Variants in VWA8 observed in about 807,000 individuals in gnomAD.
VWA8 encodes von Willebrand factor A domain containing 8, also known as von Willebrand factor A domain-containing protein 8.
Under a neutral mutation model 241.5 loss-of-function variants are expected in VWA8, and 221 were observed. The observed-to-expected ratio is 0.91, with a 90% CI of 0.82 to 1.02. The LOEUF (loss-of-function observed/expected upper bound fraction) is 1.02. Ranked by LOEUF, VWA8 falls within the 50% of genes least tolerant of loss-of-function variation. The pLI is 0.00. For missense variants in VWA8, 2,322 were observed against 2,328.7 expected, an observed-to-expected ratio of 1.00 and a Z score of 0.06; for synonymous variants, 852 against 827.1, an observed-to-expected ratio of 1.03 and a Z score of -0.52.
chr13:41,811,282 A>G lies in VWA8; in HGVS notation c.2006T>C (p.Leu669Pro), dbSNP rs376324990. ...AAGATTTTCATTAGGATACTGTGAC[A>G]GCCGACGAGAAATTCGCAACAGTTG... is the stretch of plus-strand genomic sequence containing the variant. ...TRQLLRISRR[L>P]SQYPNENLHS... The change falls in exon 17 of 45, where the codon CTG becomes CCG. Residue 669 changes from leucine (L) to proline (P), a missense_variant. Physicochemically the swap from Leu to Pro is moderately conservative, Grantham distance 98 (BLOSUM62 -3). Transcript: ENST00000379310. 2.5e-6 allele frequency: 4 copies of G among 1,611,300 alleles called. No individual in the cohort carries two copies. The highest frequency in any genetic ancestry group is 3.4e-6 in the Non-Finnish European group (4 of 1,177,942).
intron 2 of VWA8, among the ~76,000 whole-genome samples, chr13:41,915,567 C>T (rs180760141): frequency 6.6e-6 from 1 of 152,194 alleles, no homozygotes. Context: ...TATTTTTTCT[C>T]AAGGCCTCTG....
chr13:41,864,819 T>A (rs1873211432), intron 12 of VWA8, among the ~76,000 whole-genome samples: 1 of 152,040 alleles, frequency 6.6e-6, no homozygotes, highest in Admixed American at 6.6e-5. Flanking sequence ...AAACCCTGTC[T>A]CTACTAAAAT....
intron 1 of VWA8, among the ~76,000 whole-genome samples, chr13:41,956,318 T>C (rs1218106901): frequency 6.6e-6 from 1 of 152,210 alleles, no homozygotes; most frequent in Non-Finnish European, 1.5e-5. Flanking sequence ...GGTTGAGAAC[T>C]ACTGGGTTAG....
In VWA8 at chr13:41,732,132, G is replaced by C. The variant is rs746924515; in HGVS notation, c.2450C>G (p.Thr817Arg). The change falls in exon 22 of 45, where the codon ACG (threonine) becomes AGG (arginine). Residue 817 changes from threonine (T) to arginine (R), a missense_variant. Physicochemically the swap from Thr to Arg is moderately conservative, Grantham distance 71 (BLOSUM62 -1). Transcript: ENST00000379310. Reference sequence around the variant, plus strand: ...TCCGTCTTTAACCGAAGGCTGAAGCGTAAGAGTTTGTACTGTGGTATCCCT... The same window carrying C: ...TCCGTCTTTAACCGAAGGCTGAAGCCTAAGAGTTTGTACTGTGGTATCCCT... Reference protein sequence around the residue: ...LHRDTTVQTLTLQPSVKDGLI... With the variant: ...LHRDTTVQTLRLQPSVKDGLI... 5 of 1,612,858 alleles carry C rather than the reference G, an allele frequency of 3.1e-6. No individual in the cohort carries two copies. Among genetic ancestry groups the C allele is most frequent in the East Asian group, 4.5e-5 (2 of 44,816 alleles).
At chr13:41,569,179 A>G (rs548260657) in intron 44 of VWA8, among the ~76,000 whole-genome samples, 4 of 152,360 alleles carry the variant, frequency 2.6e-5, no homozygotes, top group African/African-American at 7.2e-5. Flanking sequence ...ATTCTGCAAC[A>G]TATCTTTTGC....
At chr13:41,775,573 T>C (rs998795916) in intron 20 of VWA8, among the ~76,000 whole-genome samples, 7 of 152,168 alleles carry the variant, frequency 4.6e-5, no homozygotes, top group Non-Finnish European at 8.8e-5. Flanking sequence ...CTAGACAGGC[T>C]TGAAAATCAG....
In VWA8 at chr13:41,647,253, C is replaced by A. The variant is rs376811168; in HGVS notation, c.4611+23693G>T. On this transcript the variant is annotated intron_variant, in intron 37 of 44. Coordinates refer to ENST00000379310, the MANE Select transcript of VWA8 (RefSeq NM_015058.2). ...TTAGGATATAAATGAGGATCAGAAG[C>A]TTTTGGGAGACATTTTCTGGATGTG... 7.9e-5 allele frequency among the ~76,000 whole-genome samples: 12 copies of A among 152,118 alleles called. 1 individual carries two copies. Among genetic ancestry groups the A allele is most frequent in the Admixed American group, 7.2e-4 (11 of 15,270 alleles).
intron 32 of VWA8, among the ~76,000 whole-genome samples, chr13:41,690,683 T>C (rs558334053): frequency 2.0e-5 from 3 of 152,148 alleles, no homozygotes; most frequent in Non-Finnish European, 1.5e-5. Context: ...TCTACTTATT[T>C]TTAACATTTC....
rs1456158658 is a variant in VWA8, at chr13:41,961,109, G to A, written c.-94C>T. On this transcript the variant is annotated 5_prime_UTR_variant, in exon 1 of 45. Transcript: ENST00000379310. ...TGAGGCAGCGCGGAGAAGGGGACAG[G>A]AAGCGGCACCTAGCCGAGTCCGCCG... The A allele has an allele frequency of 4.1e-6, 5 of 1,221,948 alleles. No homozygotes were observed. Among genetic ancestry groups the A allele is most frequent in the South Asian group, 2.0e-5 (1 of 50,550 alleles). 75.7% of individuals were successfully genotyped at this position (1,221,948 alleles called of 1,614,324 possible).
chr13:41,663,702 A>T (rs886566890), intron 37 of VWA8, among the ~76,000 whole-genome samples: 4 of 151,874 alleles, frequency 2.6e-5, no homozygotes, highest in Non-Finnish European at 4.4e-5. Context: ...CCCCCTAATA[A>T]AGTGCTATCA....
At chr13:41,765,100 G>A (rs1385175510) in intron 20 of VWA8, among the ~76,000 whole-genome samples, 1 of 151,730 alleles carries the variant, frequency 6.6e-6, no homozygotes, top group Non-Finnish European at 1.5e-5. Flanking sequence ...AGGAGATGAA[G>A]AAGTCAAAGT....
chr13:41,932,271 G>T (rs112450598), intron 2 of VWA8, among the ~76,000 whole-genome samples: 13 of 151,926 alleles, frequency 8.6e-5, no homozygotes, highest in African/African-American at 3.1e-4. Flanking sequence ...ACACAATTAG[G>T]GATAACTTGA....
chr13:41,870,627 C>A (rs1192528832), intron 9 of VWA8, among the ~76,000 whole-genome samples: 21 of 144,588 alleles, frequency 1.5e-4, no homozygotes, highest in African/African-American at 4.9e-4. Flanking sequence ...CAGAGCAAGA[C>A]TCCGTCTCAA....
At chr13:41,759,826 T>C (rs1281993125) in intron 21 of VWA8, among the ~76,000 whole-genome samples, 1 of 151,710 alleles carries the variant, frequency 6.6e-6, no homozygotes, top group African/African-American at 2.4e-5. Context: ...GTCTTCTTGG[T>C]TGAGTGTTAA....
intron 37 of VWA8, among the ~76,000 whole-genome samples, chr13:41,625,800 C>T (rs1310594883): frequency 1.8e-4 from 28 of 151,842 alleles, no homozygotes; most frequent in African/African-American, 5.3e-4. Flanking sequence ...TATTGCGGCA[C>T]TATTCACAAT....
chr13:41,575,804 T>C lies in VWA8; in HGVS notation c.5306A>G (p.Asn1769Ser). 2 of 1,613,354 alleles carry C rather than the reference T, an allele frequency of 1.2e-6. No homozygotes were observed. The highest frequency in any genetic ancestry group is 8.5e-7 in the Non-Finnish European group (1 of 1,179,896). The part of the protein sequence containing the change: ...DIVGHSGDGY[N>S]IGLVPMNKIP... ...TTTGTTCATTGGAACCAGACCAATG[T>C]TGTAGCCATCTCCAGAGTGTCCAAC... Residue 1769 changes from asparagine to serine, a missense_variant, in exon 43 of 45, where the codon AAC (asparagine) becomes AGC (serine). Transcript: ENST00000379310.
chr13:41,925,342 C>T (rs934628813), intron 2 of VWA8, among the ~76,000 whole-genome samples: 2 of 152,302 alleles, frequency 1.3e-5, no homozygotes, highest in East Asian at 1.9e-4. Context: ...CTGGTAAATA[C>T]ATAATCAAAT....
chr13:41,900,924 G>A (rs1875394801), intron 4 of VWA8, among the ~76,000 whole-genome samples: 2 of 151,956 alleles, frequency 1.3e-5, no homozygotes, highest in South Asian at 4.1e-4. Flanking sequence ...CTTATTATAG[G>A]TGACTTAGAT....
At chr13:41,803,490 A>G (rs1306074522) in intron 17 of VWA8, among the ~76,000 whole-genome samples, 1 of 152,246 alleles carries the variant, frequency 6.6e-6, no homozygotes, top group Non-Finnish European at 1.5e-5. Flanking sequence ...CAATCATGGC[A>G]GAAAGTGAAA....
Sources: gnomAD v4.1 joint callset for allele counts (sites outside exome capture counted in the v4.1 genomes callset) on GRCh38, gnomAD v4.1.1 for gene constraint, MANE v1.5 for transcripts, NCBI Gene and HGNC (gene_info 2026-07-23, HGNC 2026-07-21) for gene names.